Variants in GABRA1 observed in about 807,000 individuals in gnomAD.
GABRA1 encodes the protein gamma-aminobutyric acid receptor subunit alpha-1.
In GABRA1, 9 loss-of-function variants were observed where a neutral mutation model predicts 48.9. The ratio of observed to expected loss-of-function variants is 0.18; its 90% CI spans 0.11 to 0.32. The LOEUF (loss-of-function observed/expected upper bound fraction) is 0.32. Ranked by LOEUF, GABRA1 falls within the 10% of genes least tolerant of loss-of-function variation. The pLI is 1.00. For missense variants in GABRA1, 285 were observed against 553.8 expected, an observed-to-expected ratio of 0.51 and a Z score of 4.87; for synonymous variants, 210 against 198.7, an observed-to-expected ratio of 1.06 and a Z score of -0.48.
rs562094153 is a variant in GABRA1 at position 161,867,464 on chromosome 5, A to T, written c.255+1676A>T. 3.3e-5 allele frequency among the ~76,000 whole-genome samples: 5 copies of T among 152,252 alleles called. No individual in the cohort carries two copies. In the South Asian group the frequency reaches 1.0e-3, roughly 32 times the overall value. ...CTGGCTCTGGGATTCAAGCTGGTTGAATCCAAATCTCACCATCAGCAGCAG... is the reference window on the plus strand; with the variant it reads ...CTGGCTCTGGGATTCAAGCTGGTTGTATCCAAATCTCACCATCAGCAGCAG... On this transcript the variant is annotated intron_variant, in intron 4 of 9. Coordinates refer to ENST00000393943, the MANE Select transcript of GABRA1 (RefSeq NM_001127644.2).
intron 3 of GABRA1, among the ~76,000 whole-genome samples, chr5:161,863,194 A>G (rs1271082677): frequency 6.6e-6 from 1 of 151,896 alleles, no homozygotes; most frequent in Non-Finnish European, 1.5e-5. Context: ...GTGTATATGT[A>G]AAAGTGAGGA....
At chr5:161,856,274 T>C (rs558340227) in intron 3 of GABRA1, among the ~76,000 whole-genome samples, 1 of 151,558 alleles carries the variant, frequency 6.6e-6, no homozygotes, top group Admixed American at 6.6e-5. Context: ...CATTAATTCA[T>C]ACTGCCACAC....
intron 3 of GABRA1, among the ~76,000 whole-genome samples, chr5:161,863,163 A>G (rs939614474): frequency 3.9e-5 from 6 of 152,054 alleles, no homozygotes; most frequent in African/African-American, 1.2e-4. Context: ...TTGTGTATAT[A>G]TATATATACA....
At chr5:161,866,017 C>CT (rs1440943801) in intron 4 of GABRA1, among the ~76,000 whole-genome samples, 1 of 151,874 alleles carries the variant, frequency 6.6e-6, no homozygotes, top group Non-Finnish European at 1.5e-5. Context: ...CTGCAGTCAT[C>CT]TTTTTTTAAA....
chr5:161,882,295 A>G, intron 6 of GABRA1: 1 of 504,598 alleles, frequency 2.0e-6, no homozygotes. Context: ...ATTTGTTCTT[A>G]TATTCACTAC....
chr5:161,858,010 G>A (rs1757715971), intron 3 of GABRA1, among the ~76,000 whole-genome samples: 1 of 151,074 alleles, frequency 6.6e-6, no homozygotes, highest in South Asian at 2.1e-4. Flanking sequence ...GAAAGCAAAA[G>A]AGGATAGAAA....
At chr5:161,896,534 T>C (rs1755375720) in intron 9 of GABRA1, among the ~76,000 whole-genome samples, 2 of 152,162 alleles carry the variant, frequency 1.3e-5, no homozygotes, top group Non-Finnish European at 2.9e-5. Flanking sequence ...GCTGTGTTTG[T>C]GGGGTTTGAA....
intron 4 of GABRA1, among the ~76,000 whole-genome samples, chr5:161,870,363 A>G (rs1754054587): frequency 6.6e-6 from 1 of 151,980 alleles, no homozygotes; most frequent in South Asian, 2.1e-4. Flanking sequence ...GGAGTTTGAG[A>G]CCAGCCTGAC....
intron 8 of GABRA1, 56 bp from the exon 9 acceptor site, chr5:161,895,610 T>A (rs775859723): frequency 1.2e-4 from 172 of 1,462,234 alleles, no homozygotes; most frequent in Non-Finnish European, 1.6e-4. Flanking sequence ...TGTCCCATCA[T>A]GATGAAATTT....
intron 3 of GABRA1, among the ~76,000 whole-genome samples, chr5:161,854,720 C>T (rs1757581260): frequency 1.3e-5 from 2 of 151,546 alleles, no homozygotes; most frequent in South Asian, 4.1e-4. Context: ...TTGCCACCAC[C>T]TCTAGGATAA....
At chr5:161,892,669 T>C (rs919946631) in intron 8 of GABRA1, among the ~76,000 whole-genome samples, 2 of 94,756 alleles carry the variant, frequency 2.1e-5, no homozygotes, top group African/African-American at 3.1e-5. Context: ...ACTAGGAAAT[T>C]AAAACAAACA....
At chr5:161,852,818 A>C (rs1196170819) in intron 2 of GABRA1, among the ~76,000 whole-genome samples, 4 of 151,972 alleles carry the variant, frequency 2.6e-5, no homozygotes, top group African/African-American at 9.7e-5. Flanking sequence ...CTTTATCAGA[A>C]TAATAGCCAT....
intron 7 of GABRA1, among the ~76,000 whole-genome samples, chr5:161,883,981 A>C (rs935292693): frequency 3.9e-5 from 6 of 152,040 alleles, no homozygotes; most frequent in Non-Finnish European, 7.4e-5. Context: ...GGAGATGTGA[A>C]CTCAAGTTCT....
At chr5:161,895,052 G>T (rs924268372) in intron 8 of GABRA1, among the ~76,000 whole-genome samples, 19 of 151,962 alleles carry the variant, frequency 1.3e-4, no homozygotes, top group Admixed American at 3.3e-4. Context: ...GTGAGTGTGT[G>T]TCTATATGTA....
chr5:161,859,025 C>A (rs946844257), intron 3 of GABRA1, among the ~76,000 whole-genome samples: 2 of 151,820 alleles, frequency 1.3e-5, no homozygotes, highest in East Asian at 1.9e-4. Flanking sequence ...AATGGCCTAC[C>A]TTTATCCCTG....
intron 8 of GABRA1, among the ~76,000 whole-genome samples, chr5:161,894,882 G>C (rs1581219306): frequency 6.7e-6 from 1 of 150,118 alleles, no homozygotes; most frequent in Non-Finnish European, 1.5e-5. Context: ...TGGATTTGCA[G>C]AGTAGGAAAG....
At chr5:161,887,155 T>A (rs1174241746) in intron 7 of GABRA1, among the ~76,000 whole-genome samples, 1 of 152,216 alleles carries the variant, frequency 6.6e-6, no homozygotes, top group Admixed American at 6.5e-5. Context: ...GAAAATTTGA[T>A]AAGTTTGGTG....
At chr5:161,875,508 A>C in intron 5 of GABRA1, 52 bp from the exon 6 acceptor site, 1 of 1,388,024 alleles carries the variant, frequency 7.2e-7, no homozygotes, top group Admixed American at 1.7e-5. Context: ...TGTACTTATC[A>C]AGAAGTATCT....
At chr5:161,872,917 T>C in intron 4 of GABRA1, 200 bp from the exon 5 acceptor site, 5 of 555,674 alleles carry the variant, frequency 9.0e-6, no homozygotes, top group African/African-American at 1.9e-5. Flanking sequence ...ATTTTAGATA[T>C]TTTTTTTAAA....
Sources: gnomAD v4.1 joint callset for allele counts (sites outside exome capture counted in the v4.1 genomes callset) on GRCh38, gnomAD v4.1.1 for gene constraint, MANE v1.5 for transcripts, NCBI Gene and HGNC (gene_info 2026-07-23, HGNC 2026-07-21) for gene names.